KBTBD13: variants seen among roughly 807,000 people sequenced by gnomAD.
KBTBD13 encodes the protein kelch repeat and BTB domain-containing protein 13.
A neutral mutation model predicts 25.4 loss-of-function variants in KBTBD13; 32 were observed. The ratio of observed to expected loss-of-function variants is 1.26; its 90% CI spans 0.95 to 1.69. The LOEUF (loss-of-function observed/expected upper bound fraction) is 1.69. KBTBD13 is among the 40% of genes most tolerant of loss of function. KBTBD13 has a pLI of 0.00. For synonymous variants in KBTBD13, 436 were observed against 329.8 expected (o/e 1.32, Z -3.49); for missense variants, 898 against 679.5 (o/e 1.32, Z -3.57).
Position 65,078,791 on chromosome 15 carries a change from T to C in KBTBD13, c.*599T>C, listed in dbSNP as rs1301348292. ...AGGGAAAATAGGAAGAGAAAAAATA[T>C]ATAACTCCAGAAAAGAAGAGAGTGT... On this transcript the variant is annotated 3_prime_UTR_variant, in exon 1 of 1. Coordinates refer to ENST00000432196, the MANE Select transcript of KBTBD13 (RefSeq NM_001101362.3). 2.6e-5 allele frequency among the ~76,000 whole-genome samples: 4 copies of C among 152,122 alleles called. No homozygotes were observed. The highest frequency in any genetic ancestry group is 4.8e-5 in the African/African-American group (2 of 41,412).
Position 65,079,618 on chromosome 15 carries a change from G to A in KBTBD13, c.*1426G>A, listed in dbSNP as rs1347814960. Among the ~76,000 whole-genome samples the A allele has an allele frequency of 6.6e-6, 1 of 152,216 alleles. No individual in the cohort carries two copies. The highest frequency in any genetic ancestry group is 1.5e-5 in the Non-Finnish European group (1 of 68,046). ...TCTCGTTCCTTCATCAAAATCCCCA[G>A]CTCTGGCTTCTGGGCAGATGCCTGT... On this transcript the variant is annotated 3_prime_UTR_variant, in exon 1 of 1. Coordinates refer to ENST00000432196, the MANE Select transcript of KBTBD13 (RefSeq NM_001101362.3).
At position 65,078,529 on chromosome 15, in the gene KBTBD13, G is replaced by A. The variant is rs2087012264; in HGVS notation, c.*337G>A. 6.6e-6 allele frequency among the ~76,000 whole-genome samples: 1 copy of A among 152,218 alleles called. No individual in the cohort carries two copies. Among genetic ancestry groups the A allele is most frequent in the African/African-American group, 2.4e-5 (1 of 41,446 alleles). ...AATGATGTTAATCAAACTGCAAGTA[G>A]TAGGCAAGAATTAGGCACCTACTGT... On this transcript the variant is annotated 3_prime_UTR_variant, in exon 1 of 1. Transcript: ENST00000432196.
chr15:65,077,607 C>T lies in KBTBD13; in HGVS notation c.792C>T (p.Gly264=), dbSNP rs1222942281. ...TCGACGGCCGCCTCTACGCCATCGGCGGCGAATTCCAGAGGACGCCCATCA... is the reference window on the plus strand; with the variant it reads ...TCGACGGCCGCCTCTACGCCATCGGTGGCGAATTCCAGAGGACGCCCATCA... ...AGFDGRLYAI[G]GEFQRTPISS... The change falls in exon 1 of 1, where the codon GGC becomes GGT. Residue 264 remains glycine, a synonymous_variant. Coordinates refer to ENST00000432196, the MANE Select transcript of KBTBD13 (RefSeq NM_001101362.3). 2.5e-6 allele frequency: 4 copies of T among 1,580,490 alleles called. No individual in the cohort carries two copies. The highest frequency in any genetic ancestry group is 2.3e-5 in the East Asian group (1 of 43,340).
Position 65,077,208 on chromosome 15 carries a change from C to T in KBTBD13, c.393C>T (p.Asp131=), listed in dbSNP as rs544721592. 1.4e-5 allele frequency: 21 copies of T among 1,449,776 alleles called. No individual in the cohort carries two copies. The East Asian group carries it at 2.3e-4, about 16-fold the overall frequency. The allele number at this position is 1,449,776 out of a possible 1,614,324, so 89.8% of individuals were successfully genotyped here. Residue 131 remains aspartate, a synonymous_variant, in exon 1 of 1, where the codon GAC becomes GAT. Coordinates refer to ENST00000432196, the MANE Select transcript of KBTBD13 (RefSeq NM_001101362.3). ...VFHSAALFIC[D]GERELAAELA... is the part of the protein sequence containing the mutation. The stretch of plus-strand genomic sequence containing the variant: ...ACAGTGCCGCGCTCTTCATCTGCGA[C>T]GGCGAGCGCGAGCTGGCGGCCGAAC...
In KBTBD13 at chr15:65,077,632, A is replaced by C. The variant is rs1306708290; in HGVS notation, c.817A>C (p.Ser273Arg). 1.3e-6 allele frequency: 2 copies of C among 1,590,074 alleles called. No individual in the cohort carries two copies. Among genetic ancestry groups the C allele is most frequent in the South Asian group, 2.2e-5 (2 of 89,470 alleles). Residue 273 changes from serine to arginine, a missense_variant, in exon 1 of 1, where the codon AGC becomes CGC. Physicochemically the swap from Ser to Arg is moderately radical, Grantham distance 110. Transcript: ENST00000432196. ...CGGCGAATTCCAGAGGACGCCCATC[A>C]GCTCCGTGGAGCGCTACGACCCAGC... The part of the protein sequence containing the change: ...IGGEFQRTPI[S>R]SVERYDPAAG...
Position 65,078,179 on chromosome 15 carries a change from C to G in KBTBD13, c.1364C>G (p.Thr455Arg), listed in dbSNP as rs1428777699. ...PGAPGPVTST[T>R]AEL ...GCTCCTGGGCCTGTGACTTCGACAA[C>G]GGCAGAACTGTGACCTCTGGGCTGG... Residue 455 changes from threonine (T) to arginine (R), a missense_variant, in exon 1 of 1, where the codon ACG becomes AGG. Coordinates refer to ENST00000432196, the MANE Select transcript of KBTBD13 (RefSeq NM_001101362.3). 1 of 1,540,354 alleles carries G rather than the reference C, an allele frequency of 6.5e-7. No individual in the cohort carries two copies. The highest frequency in any genetic ancestry group is 8.7e-7 in the Non-Finnish European group (1 of 1,148,320).
rs1052175397 is a variant in KBTBD13 at position 65,077,292 on chromosome 15, C to G, written c.477C>G (p.Ala159=). The change falls in exon 1 of 1, where the codon GCC becomes GCG. Residue 159 remains alanine (A), a synonymous_variant. Coordinates refer to ENST00000432196, the MANE Select transcript of KBTBD13 (RefSeq NM_001101362.3). The part of the protein sequence containing the change: ...VAALRPSSYA[A]VSTHTPAPGF... Reference sequence around the variant, plus strand: ...CCCTGCGGCCCAGCAGCTACGCGGCCGTGAGCACGCACACGCCCGCGCCCG... The same window carrying G: ...CCCTGCGGCCCAGCAGCTACGCGGCGGTGAGCACGCACACGCCCGCGCCCG... 2.5e-5 allele frequency: 35 copies of G among 1,402,548 alleles called. No homozygotes were observed. The African/African-American group carries it at 3.5e-4, about 14-fold the overall frequency. 86.9% of individuals were successfully genotyped at this position (1,402,548 alleles called of 1,614,324 possible).
At position 65,079,464 on chromosome 15, in the gene KBTBD13, C is replaced by T. The variant is rs1336079259; in HGVS notation, c.*1272C>T. Among the ~76,000 whole-genome samples the T allele has an allele frequency of 2.0e-5, 3 of 152,184 alleles. No homozygotes were observed. Among genetic ancestry groups the T allele is most frequent in the Non-Finnish European group, 2.9e-5 (2 of 68,038 alleles). ...CAACCACGTGTGTGGATTGTAAGGG[C>T]AGAGATCCTGTTAAGTGAGCTGGGG... On this transcript the variant is annotated 3_prime_UTR_variant, in exon 1 of 1. Transcript: ENST00000432196.
chr15:65,077,469 C>G lies in KBTBD13; in HGVS notation c.654C>G (p.Arg218=). The G allele has an allele frequency of 6.6e-7, 1 of 1,524,004 alleles. No homozygotes were observed. Among genetic ancestry groups the G allele is most frequent in the Non-Finnish European group, 8.8e-7 (1 of 1,138,496 alleles). The allele number at this position is 1,524,004 out of a possible 1,614,324, so 94.4% of individuals were successfully genotyped here. A position where few individuals can be genotyped will look rare whatever the true frequency, so the allele number is the denominator to read the frequency against. Residue 218 remains arginine (R), a synonymous_variant, in exon 1 of 1, where the codon CGC becomes CGG. Coordinates refer to ENST00000432196, the MANE Select transcript of KBTBD13 (RefSeq NM_001101362.3). Reference sequence around the variant, plus strand: ...AGCTTTACATCGTGGGGGGCGTGCGCGGCGCCAGCAAGGAGGTGGTAGAGC... The same window carrying G: ...AGCTTTACATCGTGGGGGGCGTGCGGGGCGCCAGCAAGGAGGTGGTAGAGC... The part of the protein sequence containing the change: ...GNKLYIVGGV[R]GASKEVVELG...
At position 65,077,515 on chromosome 15, in the gene KBTBD13, G is replaced by A. The variant is rs2086993166; in HGVS notation, c.700G>A (p.Asp234Asn). 3.9e-6 allele frequency: 6 copies of A among 1,525,940 alleles called. No homozygotes were observed. The highest frequency in any genetic ancestry group is 4.4e-6 in the Non-Finnish European group (5 of 1,137,572). The allele number at this position is 1,525,940 out of a possible 1,614,324, so 94.5% of individuals were successfully genotyped here. A position where few individuals can be genotyped will look rare whatever the true frequency, so the allele number is the denominator to read the frequency against. ...AGAGCTGGGCTTCTGCTACGACCCC[G>A]ACGGCGGCACGTGGCACGAGTTCCC... ...VVELGFCYDP[D>N]GGTWHEFPSP... The change falls in exon 1 of 1, where the codon GAC (aspartate) becomes AAC (asparagine). Residue 234 changes from aspartate (D) to asparagine (N), a missense_variant. Asp to Asn is a conservative substitution (Grantham distance 23). Transcript: ENST00000432196.
Position 65,077,952 on chromosome 15 carries a change from G to A in KBTBD13, c.1137G>A (p.Trp379Ter), listed in dbSNP as rs540008708. Residue 379 changes from tryptophan to a stop codon, truncating the protein, a stop_gained, in exon 1 of 1, where the codon TGG (tryptophan) becomes TGA (stop). Coordinates refer to ENST00000432196, the MANE Select transcript of KBTBD13 (RefSeq NM_001101362.3). LOFTEE classifies it high-confidence loss of function. ...GTCTCAACCTGGCCACGGGCCAGTGGACGGCGCTGCCCGGCCAGTTCGTCA... is the reference window on the plus strand; with the variant it reads ...GTCTCAACCTGGCCACGGGCCAGTGAACGGCGCTGCCCGGCCAGTTCGTCA... ...IDCLNLATGQ[W>*]TALPGQFVNS... 1 of 1,611,488 alleles carries A rather than the reference G, an allele frequency of 6.2e-7. No individual in the cohort carries two copies. The highest frequency in any genetic ancestry group is 2.2e-5 in the East Asian group (1 of 44,860).
chr15:65,077,827 C>A lies in KBTBD13; in HGVS notation c.1012C>A (p.Arg338Ser), dbSNP rs774318509. ...DAWLPVAELR[R>S]PQSYGHCMVA... is the part of the protein sequence containing the mutation. ...GTGGCTGCCAGTGGCCGAGCTGCGG[C>A]GTCCGCAGAGCTATGGCCACTGCAT... Residue 338 changes from arginine (R) to serine (S), a missense_variant, in exon 1 of 1, where the codon CGT becomes AGT. Transcript: ENST00000432196. 6.8e-6 allele frequency: 11 copies of A among 1,607,230 alleles called. No homozygotes were observed. The highest frequency in any genetic ancestry group is 9.3e-6 in the Non-Finnish European group (11 of 1,179,048).
chr15:65,077,219 A>G lies in KBTBD13; in HGVS notation c.404A>G (p.Glu135Gly). Residue 135 changes from glutamate (E) to glycine (G), a missense_variant, in exon 1 of 1, where the codon GAG becomes GGG. By Grantham distance (98) the Glu-to-Gly change is moderately conservative. Coordinates refer to ENST00000432196, the MANE Select transcript of KBTBD13 (RefSeq NM_001101362.3). ...CTCTTCATCTGCGACGGCGAGCGCG[A>G]GCTGGCGGCCGAACTGGCGCTGCCT... is the stretch of plus-strand genomic sequence containing the variant. Reference protein sequence around the residue: ...AALFICDGERELAAELALPEA... With the variant: ...AALFICDGERGLAAELALPEA... The G allele has an allele frequency of 1.4e-6, 2 of 1,445,230 alleles. No homozygotes were observed. Among genetic ancestry groups the G allele is most frequent in the Non-Finnish European group, 1.8e-6 (2 of 1,100,640 alleles). The allele number at this position is 1,445,230 out of a possible 1,614,324, so 89.5% of individuals were successfully genotyped here.
In KBTBD13 at chr15:65,078,315, T is replaced by C. The variant is rs1033392486; in HGVS notation, c.*123T>C. The C allele has an allele frequency of 5.4e-6, 7 of 1,307,104 alleles. No homozygotes were observed. The highest frequency in any genetic ancestry group is 7.2e-6 in the Non-Finnish European group (7 of 975,174). 81.0% of individuals were successfully genotyped at this position (1,307,104 alleles called of 1,614,324 possible). A position where few individuals can be genotyped will look rare whatever the true frequency, so the allele number is the denominator to read the frequency against. ...CTCTTTCTACTGAGACACCCAGGTT[T>C]GGTGCCTTCTGGTGGTGTGGACATG... On this transcript the variant is annotated 3_prime_UTR_variant, in exon 1 of 1. Coordinates refer to ENST00000432196, the MANE Select transcript of KBTBD13 (RefSeq NM_001101362.3).
chr15:65,077,043 C>T lies in KBTBD13; in HGVS notation c.228C>T (p.Asp76=). The change falls in exon 1 of 1, where the codon GAC becomes GAT. Residue 76 remains aspartate (D), a synonymous_variant. Coordinates refer to ENST00000432196, the MANE Select transcript of KBTBD13 (RefSeq NM_001101362.3). Reference sequence around the variant, plus strand: ...ACCGGCCGGCGCTGGCGGCGGAGGACGAGCTGCTGCAGGCCGTGGAGTGCG... The same window carrying T: ...ACCGGCCGGCGCTGGCGGCGGAGGATGAGCTGCTGCAGGCCGTGGAGTGCG... ...RGDRPALAAE[D]ELLQAVECAA... 3.3e-6 allele frequency: 5 copies of T among 1,501,794 alleles called. No homozygotes were observed. Among genetic ancestry groups the T allele is most frequent in the Non-Finnish European group, 3.5e-6 (4 of 1,128,568 alleles). The allele number at this position is 1,501,794 out of a possible 1,614,324, so 93.0% of individuals were successfully genotyped here. A position where few individuals can be genotyped will look rare whatever the true frequency, so the allele number is the denominator to read the frequency against.
chr15:65,077,359 G>T lies in KBTBD13; in HGVS notation c.544G>T (p.Glu182Ter), dbSNP rs952061379. The T allele has an allele frequency of 1.3e-6, 2 of 1,500,784 alleles. No individual in the cohort carries two copies. Among genetic ancestry groups the T allele is most frequent in the African/African-American group, 1.4e-5 (1 of 70,788 alleles). The allele number at this position is 1,500,784 out of a possible 1,614,324, so 93.0% of individuals were successfully genotyped here. ...CTCGCGCACGCTGTGTTACCTGGAC[G>T]AGGAAGAGGACGCGTGGCGCACGCT... Reference protein sequence around the residue: ...DASRTLCYLDEEEDAWRTLAA... With the variant: ...DASRTLCYLD The change falls in exon 1 of 1, where the codon GAG (glutamate) becomes TAG (stop). Residue 182 changes from glutamate (E) to a stop codon, truncating the protein, a stop_gained. Coordinates refer to ENST00000432196, the MANE Select transcript of KBTBD13 (RefSeq NM_001101362.3). LOFTEE classifies it high-confidence loss of function.
Position 65,076,832 on chromosome 15 carries a change from A to G in KBTBD13, c.17A>G (p.Gln6Arg). 15 of 1,545,264 alleles carry G rather than the reference A, an allele frequency of 9.7e-6. No homozygotes were observed. Among genetic ancestry groups the G allele is most frequent in the Non-Finnish European group, 1.3e-5 (15 of 1,150,276 alleles). The change falls in exon 1 of 1, where the codon CAG (glutamine) becomes CGG (arginine). Residue 6 changes from glutamine to arginine, a missense_variant. By Grantham distance (43) the Gln-to-Arg change is conservative (BLOSUM62 1). Transcript: ENST00000432196. ...CAGCTCGCCATGGCACGGGGTCCAC[A>G]GACCCTGGTGCAGGTGTGGGTGGGC... MARGP[Q>R]TLVQVWVGGQ...
chr15:65,076,858 G>A lies in KBTBD13; in HGVS notation c.43G>A (p.Gly15Ser), dbSNP rs779819069. 54 of 1,563,132 alleles carry A rather than the reference G, an allele frequency of 3.5e-5. 1 individual carries two copies. The highest frequency in any genetic ancestry group is 4.3e-4 in the Middle Eastern group (2 of 4,604). Residue 15 changes from glycine (G) to serine (S), a missense_variant, in exon 1 of 1, where the codon GGC (glycine) becomes AGC (serine). Coordinates refer to ENST00000432196, the MANE Select transcript of KBTBD13 (RefSeq NM_001101362.3). ...PQTLVQVWVGGQLFQADRALL... is the reference protein window; with the variant it reads ...PQTLVQVWVGSQLFQADRALL... ...GACCCTGGTGCAGGTGTGGGTGGGCGGCCAGCTCTTCCAAGCCGACCGCGC... is the reference window on the plus strand; with the variant it reads ...GACCCTGGTGCAGGTGTGGGTGGGCAGCCAGCTCTTCCAAGCCGACCGCGC...
Position 65,077,538 on chromosome 15 carries a change from C to T in KBTBD13, c.723C>T (p.Phe241=), listed in dbSNP as rs1366785246. The T allele has an allele frequency of 6.5e-7, 1 of 1,534,012 alleles. No individual in the cohort carries two copies. Among genetic ancestry groups the T allele is most frequent in the African/African-American group, 1.4e-5 (1 of 72,930 alleles). ...CCGACGGCGGCACGTGGCACGAGTTCCCCAGCCCGCACCAGCCGCGCTATG... is the reference window on the plus strand; with the variant it reads ...CCGACGGCGGCACGTGGCACGAGTTTCCCAGCCCGCACCAGCCGCGCTATG... ...YDPDGGTWHE[F]PSPHQPRYDT... The change falls in exon 1 of 1, where the codon TTC becomes TTT. Residue 241 remains phenylalanine, a synonymous_variant. Coordinates refer to ENST00000432196, the MANE Select transcript of KBTBD13 (RefSeq NM_001101362.3).
Sources: allele counts gnomAD v4.1 joint callset (sites outside exome capture counted in the v4.1 genomes callset), GRCh38; gene constraint gnomAD v4.1.1; transcripts MANE v1.5; gene names NCBI Gene and HGNC (gene_info 2026-07-23, HGNC 2026-07-21).